SCHIP1: variants seen among roughly 807,000 people sequenced by gnomAD.
SCHIP1 encodes schwannomin interacting protein 1.
In SCHIP1, 8 loss-of-function variants were observed where a neutral mutation model predicts 29.7. That is an observed-to-expected ratio of 0.27 (90% CI 0.16 to 0.49). The LOEUF (loss-of-function observed/expected upper bound fraction) is 0.49, where lower values mean the gene tolerates loss of function less well. SCHIP1 is among the 20% of genes least tolerant of loss of function. The pLI is 0.99. For missense variants in SCHIP1, 193 were observed against 294.6 expected (o/e 0.66, Z 2.52); for synonymous variants, 76 against 94.9 (o/e 0.80, Z 1.16).
the SCHIP1 span, among the ~76,000 whole-genome samples, chr3:159,669,628 T>A: frequency 6.6e-6 from 1 of 152,202 alleles, no homozygotes; most frequent in East Asian, 1.9e-4. Context: ...CAGACTCTTT[T>A]CATTTGTCTT....
At chr3:159,812,892 C>T in the SCHIP1 span, among the ~76,000 whole-genome samples, 7 of 152,226 alleles carry the variant, frequency 4.6e-5, no homozygotes, top group African/African-American at 1.7e-4. Flanking sequence ...GGCATCTTCT[C>T]AGCTTCAGGT....
chr3:159,477,058 C>T, the SCHIP1 span, among the ~76,000 whole-genome samples: 2 of 152,034 alleles, frequency 1.3e-5, no homozygotes, highest in Non-Finnish European at 2.9e-5. Context: ...TCTCTTTGTG[C>T]CTTGATTATT....
the SCHIP1 span, among the ~76,000 whole-genome samples, chr3:159,740,974 C>CAG: frequency 5.2e-3 from 793 of 152,136 alleles, 4 homozygotes; most frequent in Middle Eastern, 0.01. Flanking sequence ...AAGCCTCTTG[C>CAG]AGACCAAACC....
chr3:159,679,930 C>T, the SCHIP1 span, among the ~76,000 whole-genome samples: 2 of 152,102 alleles, frequency 1.3e-5, no homozygotes, highest in Admixed American at 6.5e-5. Flanking sequence ...TGTTCCACTC[C>T]AGACATCCAA....
At chr3:159,461,188 G>T in the SCHIP1 span, among the ~76,000 whole-genome samples, 2 of 152,084 alleles carry the variant, frequency 1.3e-5, no homozygotes, top group East Asian at 3.9e-4. Flanking sequence ...AAGTGGAATG[G>T]CCTCTTCATC....
At chr3:159,860,685 C>T (rs941189669) in intron 1 of SCHIP1, among the ~76,000 whole-genome samples, 9 of 152,168 alleles carry the variant, frequency 5.9e-5, no homozygotes, top group Non-Finnish European at 1.0e-4. Context: ...CAGGGAAGAA[C>T]AGAAAGACAG....
At position 159,861,069 on chromosome 3, in the gene SCHIP1, C is replaced by CA. The variant is rs1397479035; in HGVS notation, c.31-5088dup. On this transcript the variant is annotated intron_variant, in intron 1 of 6. Transcript: ENST00000445224. The surrounding 1 kb of genome is among the most constrained non-coding windows in gnomAD (Gnocchi z 4.1). ...CCTAGAGGCCCCCCAGATTTTCCCA[C>CA]AAAAAATATAGTTTGTTAATTAAAT... 6.6e-6 allele frequency among the ~76,000 whole-genome samples: 1 copy of CA among 152,092 alleles called. No individual in the cohort carries two copies. Among genetic ancestry groups the CA allele is most frequent in the Non-Finnish European group, 1.5e-5 (1 of 68,006 alleles).
chr3:159,683,794 A>T, the SCHIP1 span, among the ~76,000 whole-genome samples: 2 of 152,196 alleles, frequency 1.3e-5, no homozygotes, highest in African/African-American at 4.8e-5. Flanking sequence ...TTGTGCTTCC[A>T]CATGAAGTTT....
the SCHIP1 span, among the ~76,000 whole-genome samples, chr3:159,402,920 T>C: frequency 6.6e-6 from 1 of 151,082 alleles, no homozygotes; most frequent in African/African-American, 2.4e-5. Flanking sequence ...CCCCTAAAAC[T>C]TAAAGTATAA....
the SCHIP1 span, among the ~76,000 whole-genome samples, chr3:159,447,845 T>C: frequency 6.6e-6 from 1 of 152,168 alleles, no homozygotes; most frequent in East Asian, 1.9e-4. Flanking sequence ...CCACAATTAA[T>C]TTTTTTCCTT....
chr3:159,447,515 A>C, the SCHIP1 span, among the ~76,000 whole-genome samples: 2 of 152,204 alleles, frequency 1.3e-5, no homozygotes, highest in Admixed American at 1.3e-4. Flanking sequence ...TGCCTGCCAG[A>C]TCCTAGTGTT....
the SCHIP1 span, among the ~76,000 whole-genome samples, chr3:159,736,473 A>C: frequency 6.6e-6 from 1 of 152,050 alleles, no homozygotes; most frequent in African/African-American, 2.4e-5. Context: ...TACATCTTTG[A>C]CTCCCTTCTT....
At chr3:159,336,754 T>A in the SCHIP1 span, among the ~76,000 whole-genome samples, 1 of 152,206 alleles carries the variant, frequency 6.6e-6, no homozygotes, top group Admixed American at 6.5e-5. Flanking sequence ...AGCCTTGTAG[T>A]ATAGTTTGAA....
the SCHIP1 span, among the ~76,000 whole-genome samples, chr3:159,776,449 C>T: frequency 4.6e-5 from 7 of 151,434 alleles, no homozygotes; most frequent in Non-Finnish European, 1.0e-4. Flanking sequence ...TTTGTTTCCA[C>T]TCTAAAATTG....
chr3:159,603,803 G>A, the SCHIP1 span, among the ~76,000 whole-genome samples: 4 of 152,132 alleles, frequency 2.6e-5, no homozygotes, highest in Non-Finnish European at 5.9e-5. Context: ...TTAAGACTGG[G>A]AAGTTCAACA....
the SCHIP1 span, among the ~76,000 whole-genome samples, chr3:159,373,059 GA>G: frequency 1.3e-5 from 2 of 151,240 alleles, no homozygotes; most frequent in African/African-American, 4.9e-5. Context: ...TAATTTTTCT[GA>G]AAAAAGGGTA....
chr3:159,712,803 GAA>G, the SCHIP1 span, among the ~76,000 whole-genome samples: 2 of 150,254 alleles, frequency 1.3e-5, no homozygotes, highest in African/African-American at 2.5e-5. Flanking sequence ...GAAAGAGAGA[GAA>G]AGAAAAAGAA....
At chr3:159,518,723 G>A in the SCHIP1 span, among the ~76,000 whole-genome samples, 1 of 152,074 alleles carries the variant, frequency 6.6e-6, no homozygotes, top group East Asian at 1.9e-4. Flanking sequence ...GGTCAGAGGT[G>A]GAAGCAGGTC....
the SCHIP1 span, among the ~76,000 whole-genome samples, chr3:159,424,064 A>G: frequency 3.7e-5 from 2 of 53,572 alleles, no homozygotes; most frequent in South Asian, 1.6e-3. Context: ...ATCAAAAACC[A>G]AAAGTAGATA....
Sources: gnomAD v4.1 joint callset for allele counts (sites outside exome capture counted in the v4.1 genomes callset) on GRCh38, gnomAD v4.1.1 for gene constraint, Gnocchi (gnomAD v3.1) non-coding constraint, MANE v1.5 for transcripts, NCBI Gene and HGNC (gene_info 2026-07-23, HGNC 2026-07-21) for gene names.